Variants in COL5A2 observed in about 807,000 individuals in gnomAD.
COL5A2 encodes the protein collagen alpha-2(V) chain.
Under a neutral mutation model 208.2 loss-of-function variants are expected in COL5A2, and 23 were observed. The ratio of observed to expected loss-of-function variants is 0.11; its 90% CI spans 0.08 to 0.16. The LOEUF is 0.16. COL5A2 is among the 10% of genes least tolerant of loss of function. The pLI is 1.00. For synonymous variants in COL5A2, 625 were observed against 628.5 expected, an observed-to-expected ratio of 0.99 and a Z score of 0.08; for missense variants, 1,590 against 1,956.4, an observed-to-expected ratio of 0.81 and a Z score of 3.53.
chr2:189,440,633 T>C, the COL5A2 span, among the ~76,000 whole-genome samples: 1 of 152,100 alleles, frequency 6.6e-6, no homozygotes. Context: ...GAAATCAAAA[T>C]AGGCAACATA....
At chr2:189,311,981 G>C in the COL5A2 span, 1 of 749,820 alleles carries the variant, frequency 1.3e-6, no homozygotes. Flanking sequence ...CAGTGACCTT[G>C]TGGAGCCCAT....
chr2:189,172,838 T>C (rs959044264), intron 1 of COL5A2, among the ~76,000 whole-genome samples: 7 of 151,874 alleles, frequency 4.6e-5, no homozygotes, highest in African/African-American at 7.3e-5. Context: ...CTTTCCTCCT[T>C]CTTAATCCTA....
chr2:189,257,077 C>A, the COL5A2 span, among the ~76,000 whole-genome samples: 1 of 152,140 alleles, frequency 6.6e-6, no homozygotes, highest in Non-Finnish European at 1.5e-5. Context: ...TATATTTATC[C>A]ACTTATCTGT....
chr2:189,432,435 C>A, the COL5A2 span, among the ~76,000 whole-genome samples: 1 of 152,010 alleles, frequency 6.6e-6, no homozygotes, highest in African/African-American at 2.4e-5. Flanking sequence ...TTCAGGAGAC[C>A]CATCTCACAT....
the COL5A2 span, among the ~76,000 whole-genome samples, chr2:189,322,846 T>C: frequency 0.037 from 5,543 of 151,792 alleles, 117 homozygotes; most frequent in Admixed American, 0.05. Flanking sequence ...CATCATGATA[T>C]CAAAGCCTGG....
chr2:189,032,549 T>C lies in COL5A2; in HGVS notation c.*1521A>G, dbSNP rs932865181. 6.6e-5 allele frequency: 10 copies of C among 152,148 alleles called. No individual in the cohort carries two copies. The highest frequency in any genetic ancestry group is 1.2e-4 in the Non-Finnish European group (8 of 68,000). The allele number at this position is 152,148 out of a possible 1,614,324, so 9.4% of individuals were successfully genotyped here. A position where few individuals can be genotyped will look rare whatever the true frequency, so the allele number is the denominator to read the frequency against. On this transcript the variant is annotated 3_prime_UTR_variant, in exon 54 of 54. Coordinates refer to ENST00000374866, the MANE Select transcript of COL5A2 (RefSeq NM_000393.5). ...AAAGCGTGCATTTAATTTGATGCTT[T>C]GCAGAGATACATGACCAAAGTTGTA...
At chr2:189,373,436 AG>A in the COL5A2 span, among the ~76,000 whole-genome samples, 1 of 152,194 alleles carries the variant, frequency 6.6e-6, no homozygotes, top group South Asian at 2.1e-4. Flanking sequence ...AAGGGGAAAA[AG>A]ATATCTAAAG....
At position 189,075,398 on chromosome 2, in the gene COL5A2, G is replaced by C; in HGVS notation, c.1099C>G (p.Pro367Ala). ...GAHGMPGKPG[P>A]MGPLGIPGSS... ...ATGAAAATAATATAACTCACCATTGGTCCAGGTTTTCCAGGCATACCATGT... is the reference window on the plus strand; with the variant it reads ...ATGAAAATAATATAACTCACCATTGCTCCAGGTTTTCCAGGCATACCATGT... The change falls in exon 17 of 54, where the codon CCA becomes GCA. Residue 367 changes from proline to alanine, a missense_variant. Physicochemically the swap from Pro to Ala is conservative, Grantham distance 27. Transcript: ENST00000374866. 6.3e-7 allele frequency: 1 copy of C among 1,599,168 alleles called. No homozygotes were observed. Among genetic ancestry groups the C allele is most frequent in the Non-Finnish European group, 8.6e-7 (1 of 1,167,078 alleles).
upstream of COL5A2, among the ~76,000 whole-genome samples, chr2:189,182,310 A>G (rs1688791877): frequency 6.6e-6 from 1 of 152,182 alleles, no homozygotes; most frequent in African/African-American, 2.4e-5. Flanking sequence ...AATATTTTCC[A>G]ATTCTCACAG....
chr2:189,043,384 A>T, intron 47 of COL5A2, 126 bp from the exon 48 acceptor site: 1 of 636,666 alleles, frequency 1.6e-6, no homozygotes, highest in African/African-American at 1.8e-5. Context: ...TATATGGATT[A>T]ATATATTTAC....
intron 35 of COL5A2, 45 bp downstream of exon 35, chr2:189,056,928 A>G (rs746367172): frequency 1.9e-6 from 3 of 1,574,084 alleles, no homozygotes; most frequent in East Asian, 4.5e-5. Context: ...ATGATACTGT[A>G]ATGTTGGTTC....
chr2:189,043,059 T>G lies in COL5A2; in HGVS notation c.3471+92A>C, dbSNP rs549689681. ...GAACTGAAAATAAGATACAAACATA[T>G]CCACCTATTTTACAGACAGATAAAT... On this transcript the variant is annotated intron_variant, in intron 48 of 53. Coordinates refer to ENST00000374866, the MANE Select transcript of COL5A2 (RefSeq NM_000393.5). 4.8e-5 allele frequency: 45 copies of G among 930,414 alleles called. No individual in the cohort carries two copies. The South Asian group carries it at 6.0e-4, about 12-fold the overall frequency. 57.6% of individuals were successfully genotyped at this position (930,414 alleles called of 1,614,324 possible). A position where few individuals can be genotyped will look rare whatever the true frequency, so the allele number is the denominator to read the frequency against.
At chr2:189,369,808 G>T in the COL5A2 span, among the ~76,000 whole-genome samples, 1 of 152,128 alleles carries the variant, frequency 6.6e-6, no homozygotes, top group African/African-American at 2.4e-5. Flanking sequence ...AACAATGGTT[G>T]GTTGGTTTGT....
At position 189,057,390 on chromosome 2, in the gene COL5A2, C is replaced by T; in HGVS notation, c.2267G>A (p.Gly756Asp). The change falls in exon 34 of 54, where the codon GGC becomes GAC. Residue 756 changes from glycine (G) to aspartate (D), a missense_variant. Physicochemically the swap from Gly to Asp is moderately conservative, Grantham distance 94 (BLOSUM62 -1). Transcript: ENST00000374866. ...CGGCATACCTTGAAGACCTGGTGGG[C>T]CTGTATCTCCAGGGGTCCCAGATGG... is the stretch of plus-strand genomic sequence containing the variant. ...PGPSGTPGDT[G>D]PPGLQGMPGE... 3.1e-6 allele frequency: 5 copies of T among 1,612,712 alleles called. No individual in the cohort carries two copies. The highest frequency in any genetic ancestry group is 4.2e-6 in the Non-Finnish European group (5 of 1,179,644).
intron 1 of COL5A2, among the ~76,000 whole-genome samples, chr2:189,120,081 C>T (rs1356933258): frequency 6.6e-6 from 1 of 152,004 alleles, no homozygotes; most frequent in African/African-American, 2.4e-5. Flanking sequence ...TCCATTTAAT[C>T]GATAGTTATT....
chr2:189,241,783 C>A, the COL5A2 span, among the ~76,000 whole-genome samples: 1 of 152,140 alleles, frequency 6.6e-6, no homozygotes, highest in Non-Finnish European at 1.5e-5. Context: ...GTAGTTGGGT[C>A]CAAAGCTGAG....
chr2:189,323,498 A>G, the COL5A2 span, among the ~76,000 whole-genome samples: 1 of 152,180 alleles, frequency 6.6e-6, no homozygotes, highest in Admixed American at 6.5e-5. Context: ...TCAATGTGCA[A>G]AAATCACAAG....
At chr2:189,336,462 A>C in the COL5A2 span, among the ~76,000 whole-genome samples, 1 of 152,234 alleles carries the variant, frequency 6.6e-6, no homozygotes, top group African/African-American at 2.4e-5. Context: ...CCAAACTGGA[A>C]ATAACAGAAA....
At chr2:189,292,988 G>GT in the COL5A2 span, among the ~76,000 whole-genome samples, 1 of 151,878 alleles carries the variant, frequency 6.6e-6, no homozygotes. Flanking sequence ...ATCATTCTCA[G>GT]TAAACTACCG....
Sources: allele counts gnomAD v4.1 joint callset (sites outside exome capture counted in the v4.1 genomes callset), GRCh38; gene constraint gnomAD v4.1.1; transcripts MANE v1.5; gene names NCBI Gene and HGNC (gene_info 2026-07-23, HGNC 2026-07-21).